The following RNF144A variants were observed in gnomAD, a reference collection of about 807,000 sequenced individuals.
The protein encoded by RNF144A is E3 ubiquitin-protein ligase RNF144A.
Under a neutral mutation model 38.7 loss-of-function variants are expected in RNF144A, and 11 were observed. The ratio of observed to expected loss-of-function variants is 0.28; its 90% CI spans 0.18 to 0.47. RNF144A has a LOEUF of 0.47. RNF144A is among the 20% of genes least tolerant of loss of function. The pLI, the probability that RNF144A is intolerant of heterozygous loss-of-function variation, is 0.99. For missense variants in RNF144A, 316 were observed against 377.2 expected (o/e 0.84, Z 1.34); for synonymous variants, 149 against 143.9 (o/e 1.04, Z -0.25).
downstream of RNF144A, among the ~76,000 whole-genome samples, chr2:7,072,889 G>A (rs1482430594): frequency 6.6e-6 from 1 of 152,178 alleles, no homozygotes; most frequent in Non-Finnish European, 1.5e-5. Context: ...TACCTCAAAT[G>A]GGCTGAGCTG....
chr2:7,023,249 C>T (rs899322417), intron 6 of RNF144A, among the ~76,000 whole-genome samples: 3 of 152,298 alleles, frequency 2.0e-5, no homozygotes, highest in South Asian at 2.1e-4. Context: ...TTGGAATGTG[C>T]ACCCCAAGTG....
chr2:6,959,862 G>A (rs898440051), intron 2 of RNF144A, among the ~76,000 whole-genome samples: 1 of 152,178 alleles, frequency 6.6e-6, no homozygotes, highest in Admixed American at 6.5e-5. Context: ...TGAAACCATA[G>A]CACTGGAGCA....
At chr2:6,989,897 A>AT (rs1669221307) in intron 2 of RNF144A, among the ~76,000 whole-genome samples, 2 of 152,088 alleles carry the variant, frequency 1.3e-5, no homozygotes, top group East Asian at 1.9e-4. Flanking sequence ...AAAAGACCTT[A>AT]TTTTTTTACA....
In RNF144A at chr2:7,042,806, C is replaced by T. The variant is rs1673127555; in HGVS notation, c.*3046C>T. The T allele has an allele frequency of 2.0e-6, 2 of 985,346 alleles. No homozygotes were observed. The highest frequency in any genetic ancestry group is 2.4e-6 in the Non-Finnish European group (2 of 829,942). The allele number at this position is 985,346 out of a possible 1,614,324, so 61.0% of individuals were successfully genotyped here. A position where few individuals can be genotyped will look rare whatever the true frequency, so the allele number is the denominator to read the frequency against. ...TAACTGTCCAAATTAGTTCTTCCTC[C>T]TCAACTCATAGGAGTAGCTGTGGAC... is the stretch of plus-strand genomic sequence containing the variant. On this transcript the variant is annotated 3_prime_UTR_variant, in exon 9 of 9. Coordinates refer to ENST00000320892, the MANE Select transcript of RNF144A (RefSeq NM_014746.6).
chr2:6,970,955 A>G (rs1667968143), intron 2 of RNF144A, among the ~76,000 whole-genome samples: 2 of 152,240 alleles, frequency 1.3e-5, no homozygotes, highest in African/African-American at 4.8e-5. Context: ...CTAAACTTTG[A>G]GAATATGAAT....
chr2:7,015,350 C>T (rs1671067430), intron 5 of RNF144A, among the ~76,000 whole-genome samples: 1 of 152,100 alleles, frequency 6.6e-6, no homozygotes, highest in African/African-American at 2.4e-5. Context: ...TAAACGGATC[C>T]CCAGAGAGGC....
chr2:7,002,501 G>T (rs896992498), intron 3 of RNF144A, among the ~76,000 whole-genome samples: 3 of 152,132 alleles, frequency 2.0e-5, no homozygotes, highest in Admixed American at 1.3e-4. Flanking sequence ...AAGCATGAAC[G>T]GATAGAGCCA....
Position 6,944,769 on chromosome 2 carries a change from G to A in RNF144A, c.-12+3622G>A, listed in dbSNP as rs78272527. On this transcript the variant is annotated intron_variant, in intron 2 of 8. Transcript: ENST00000320892. The surrounding 1 kb of genome is among the most constrained non-coding windows in gnomAD (Gnocchi z 4.7). ...GTTGGCCACGCCCACCTCCCAGGAC[G>A]CTGTGTTTGGGAATCTGTCTCAAAC... Among the ~76,000 whole-genome samples, 3,077 of 152,210 alleles carry A rather than the reference G, an allele frequency of 0.02. 98 individuals are homozygous for A. The highest frequency in any genetic ancestry group is 0.07 in the African/African-American group (2,917 of 41,510).
chr2:7,035,929 A>AT (rs1672643243), intron 8 of RNF144A, among the ~76,000 whole-genome samples: 1 of 152,202 alleles, frequency 6.6e-6, no homozygotes. Context: ...CAAGTGATAC[A>AT]TTTTTTATTC....
At chr2:6,998,933 C>T (rs1358302688) in intron 3 of RNF144A, among the ~76,000 whole-genome samples, 1 of 152,252 alleles carries the variant, frequency 6.6e-6, no homozygotes, top group Non-Finnish European at 1.5e-5. Context: ...TCTGCAGTCG[C>T]CTGCCTGCTG....
At chr2:6,970,782 C>A (rs1209671250) in intron 2 of RNF144A, among the ~76,000 whole-genome samples, 1 of 152,190 alleles carries the variant, frequency 6.6e-6, no homozygotes, top group East Asian at 1.9e-4. Context: ...CACCTGCTTT[C>A]TGCACAAGGC....
intron 8 of RNF144A, among the ~76,000 whole-genome samples, chr2:7,035,294 C>A (rs1332218283): frequency 6.6e-6 from 1 of 152,218 alleles, no homozygotes; most frequent in African/African-American, 2.4e-5. Flanking sequence ...TGAGCAGCGT[C>A]TTTGGAATCT....
chr2:7,031,558 G>A (rs1199822278), intron 8 of RNF144A, among the ~76,000 whole-genome samples: 1 of 152,218 alleles, frequency 6.6e-6, no homozygotes, highest in Non-Finnish European at 1.5e-5. Context: ...CACATTGGCT[G>A]CTGCTCCCTG....
intron 6 of RNF144A, among the ~76,000 whole-genome samples, chr2:7,066,074 T>A (rs1674200623): frequency 6.6e-6 from 1 of 152,078 alleles, no homozygotes; most frequent in Non-Finnish European, 1.5e-5. Flanking sequence ...GAAAAGTTTT[T>A]CTCTCTTTTT....
At chr2:7,017,854 G>T (rs1014610152) in intron 5 of RNF144A, among the ~76,000 whole-genome samples, 5 of 152,234 alleles carry the variant, frequency 3.3e-5, no homozygotes, top group African/African-American at 1.2e-4. Context: ...TTTGCAGTCT[G>T]CAGTCAGAGC....
rs1673059805 is a variant in RNF144A at position 7,041,781 on chromosome 2, C to CCACACAGTAGCACCAG, written c.*2023_*2024insCACAGTAGCACCAGCA. The CCACACAGTAGCACCAG allele has an allele frequency of 2.0e-6, 2 of 985,470 alleles. No homozygotes were observed. Among genetic ancestry groups the CCACACAGTAGCACCAG allele is most frequent in the Non-Finnish European group, 2.4e-6 (2 of 830,108 alleles). The allele number at this position is 985,470 out of a possible 1,614,324, so 61.0% of individuals were successfully genotyped here. On this transcript the variant is annotated 3_prime_UTR_variant, in exon 9 of 9. Transcript: ENST00000320892. ...CCTTCCTGCCTGAAATTGCTGCTGC[C>CCACACAGTAGCACCAG]CATCGCATGAGCCCACACAGTAGCA...
chr2:7,024,875 T>C (rs1433405671), intron 7 of RNF144A, among the ~76,000 whole-genome samples: 1 of 152,140 alleles, frequency 6.6e-6, no homozygotes, highest in Non-Finnish European at 1.5e-5. Flanking sequence ...ATGACAGACA[T>C]TTATTCCTCA....
chr2:6,957,204 G>A (rs570936584), intron 2 of RNF144A, among the ~76,000 whole-genome samples: 1 of 152,212 alleles, frequency 6.6e-6, no homozygotes, highest in Admixed American at 6.5e-5. Flanking sequence ...TCTGTCCCAC[G>A]TGCTTGCCTC....
chr2:6,965,281 C>T (rs1189260561), intron 2 of RNF144A, among the ~76,000 whole-genome samples: 1 of 152,116 alleles, frequency 6.6e-6, no homozygotes, highest in Non-Finnish European at 1.5e-5. Flanking sequence ...GATCTCAGCT[C>T]ATGAGGAGGG....
Sources: gnomAD v4.1 joint callset for allele counts (sites outside exome capture counted in the v4.1 genomes callset) on GRCh38, gnomAD v4.1.1 for gene constraint, Gnocchi (gnomAD v3.1) non-coding constraint, MANE v1.5 for transcripts, NCBI Gene and HGNC (gene_info 2026-07-23, HGNC 2026-07-21) for gene names.